Variants in TP53AIP1 observed in about 807,000 individuals in gnomAD.
TP53AIP1 encodes the protein tumor protein p53 regulated apoptosis inducing protein 1.
Under a neutral mutation model 9.5 loss-of-function variants are expected in TP53AIP1, and 14 were observed. The observed-to-expected ratio is 1.47, with a 90% CI of 0.97 to 2.30. TP53AIP1 has a LOEUF of 2.30. Ranked by LOEUF, TP53AIP1 falls within the 30% of genes most tolerant of loss-of-function variation. TP53AIP1 has a pLI of 0.00. For synonymous variants in TP53AIP1, 73 were observed against 61.2 expected (o/e 1.19, Z -0.90); for missense variants, 153 against 146.7 (o/e 1.04, Z -0.22).
Position 128,937,294 on chromosome 11 carries a change from C to T in TP53AIP1, c.141+384G>A. Reference sequence around the variant, plus strand: ...GAAGAGCAGGCCCGGAGCCCTGCACCCCAGCCTTCCCTCCCCATGCGCTCC... The same window carrying T: ...GAAGAGCAGGCCCGGAGCCCTGCACTCCAGCCTTCCCTCCCCATGCGCTCC... On this transcript the variant is annotated intron_variant, in intron 2 of 3. Coordinates refer to ENST00000531399, the MANE Select transcript of TP53AIP1 (RefSeq NM_022112.3). The surrounding 1 kb of genome is among the most constrained non-coding windows in gnomAD (Gnocchi z 4.8). 1 of 1,357,460 alleles carries T rather than the reference C, an allele frequency of 7.4e-7. No homozygotes were observed. The highest frequency in any genetic ancestry group is 2.7e-5 in the East Asian group (1 of 36,496). The allele number at this position is 1,357,460 out of a possible 1,614,324, so 84.1% of individuals were successfully genotyped here. A position where few individuals can be genotyped will look rare whatever the true frequency, so the allele number is the denominator to read the frequency against.
Position 128,939,017 on chromosome 11 carries a change from C to A in TP53AIP1, c.-76-1123G>T, listed in dbSNP as rs1329554677. Among the ~76,000 whole-genome samples, 1 of 152,154 alleles carries A rather than the reference C, an allele frequency of 6.6e-6. No homozygotes were observed. Among genetic ancestry groups the A allele is most frequent in the East Asian group, 1.9e-4 (1 of 5,204 alleles). The stretch of plus-strand genomic sequence containing the variant: ...ACATGCTGGCCATGTGCGGTGACCA[C>A]GCTAAGTACTGTGCGTGTACCATTT... On this transcript the variant is annotated intron_variant, in intron 1 of 3. Coordinates refer to ENST00000531399, the MANE Select transcript of TP53AIP1 (RefSeq NM_022112.3). This position sits in a 1 kb window ranked among gnomAD's most constrained non-coding sequence, Gnocchi z 4.1.
intron 1 of TP53AIP1, among the ~76,000 whole-genome samples, chr11:128,941,441 T>C (rs1035043499): frequency 2.6e-5 from 4 of 152,148 alleles, no homozygotes; most frequent in Non-Finnish European, 5.9e-5. Flanking sequence ...TAGTCTAAAT[T>C]AGTGGATCCC....
chr11:128,937,580 G>C lies in TP53AIP1; in HGVS notation c.141+98C>G. On this transcript the variant is annotated intron_variant, in intron 2 of 3. Coordinates refer to ENST00000531399, the MANE Select transcript of TP53AIP1 (RefSeq NM_022112.3). This position sits in a 1 kb window ranked among gnomAD's most constrained non-coding sequence, Gnocchi z 4.8. The stretch of plus-strand genomic sequence containing the variant: ...AGATGCTGTCACTGGGTCCTGGTGA[G>C]TCTGAAAACTTGGGATGTCGGCACC... The C allele has an allele frequency of 6.2e-7, 1 of 1,614,168 alleles. No individual in the cohort carries two copies. Among genetic ancestry groups the C allele is most frequent in the East Asian group, 2.2e-5 (1 of 44,880 alleles).
At chr11:128,936,733 G>A (rs1202685017) in intron 2 of TP53AIP1, 84 bp from the exon 3 acceptor site, 2 of 1,479,494 alleles carry the variant, frequency 1.4e-6, no homozygotes, top group African/African-American at 1.4e-5. Flanking sequence ...TTTTCCCCTA[G>A]GTATTCATGG....
rs1224754084 is a variant in TP53AIP1, at chr11:128,939,111, G to A, written c.-76-1217C>T. ...AACAAGCACTAACCAAACTCAGAAG[G>A]CATTTACCCAATGCTGCACGTTACG... On this transcript the variant is annotated intron_variant, in intron 1 of 3. Transcript: ENST00000531399. This position sits in a 1 kb window ranked among gnomAD's most constrained non-coding sequence, Gnocchi z 4.1. Among the ~76,000 whole-genome samples, 1 of 152,186 alleles carries A rather than the reference G, an allele frequency of 6.6e-6. No individual in the cohort carries two copies. Among genetic ancestry groups the A allele is most frequent in the Non-Finnish European group, 1.5e-5 (1 of 68,040 alleles).
At chr11:128,935,048 A>G (rs1245253629), downstream of TP53AIP1, 6 of 703,726 alleles carry the variant, frequency 8.5e-6, no homozygotes, top group South Asian at 8.9e-5. Context: ...TACTGCACTG[A>G]AAAACACAAA....
chr11:128,937,689 T>C lies in TP53AIP1; in HGVS notation c.130A>G (p.Thr44Ala). The C allele has an allele frequency of 6.2e-7, 1 of 1,614,006 alleles. No homozygotes were observed. The highest frequency in any genetic ancestry group is 2.2e-5 in the East Asian group (1 of 44,872). The stretch of plus-strand genomic sequence containing the variant: ...CTGCAGGGACTTACCCAGCCAGGTG[T>C]GTGTGTCTGAGCCCTGCCATTCGGA... ...MPPNGRAQTH[T>A]PGWVSDPLVL... The change falls in exon 2 of 4, where the codon ACA becomes GCA. Residue 44 changes from threonine to alanine, a missense_variant. Thr to Ala is a moderately conservative substitution (Grantham distance 58, BLOSUM62 0). Coordinates refer to ENST00000531399, the MANE Select transcript of TP53AIP1 (RefSeq NM_022112.3). The surrounding 1 kb of genome is among the most constrained non-coding windows in gnomAD (Gnocchi z 4.8).
At chr11:128,936,006 T>A in intron 3 of TP53AIP1, 1 of 874,170 alleles carries the variant, frequency 1.1e-6, no homozygotes, top group African/African-American at 1.8e-5. Flanking sequence ...GTTCTTAGCA[T>A]TTCATATCTA....
chr11:128,935,104 A>G, downstream of TP53AIP1: 2 of 709,742 alleles, frequency 2.8e-6, no homozygotes, highest in East Asian at 5.4e-5. Context: ...GGAACGTGTC[A>G]GCAGGAATGA....
rs574831506 is a variant in TP53AIP1 at position 128,939,663 on chromosome 11, T to A, written c.-76-1769A>T. On this transcript the variant is annotated intron_variant, in intron 1 of 3. Transcript: ENST00000531399. The surrounding 1 kb of genome is among the most constrained non-coding windows in gnomAD (Gnocchi z 4.1). ...TCCAACCCGAAACTGTCGGATTCTCTAAGAGGTCCGTCACAACCCATCTTA... is the reference window on the plus strand; with the variant it reads ...TCCAACCCGAAACTGTCGGATTCTCAAAGAGGTCCGTCACAACCCATCTTA... Among the ~76,000 whole-genome samples the A allele has an allele frequency of 6.6e-6, 1 of 152,320 alleles. No homozygotes were observed. The highest frequency in any genetic ancestry group is 1.9e-4 in the East Asian group (1 of 5,186).
intron 1 of TP53AIP1, among the ~76,000 whole-genome samples, chr11:128,942,379 C>G (rs1009175506): frequency 5.9e-5 from 9 of 152,198 alleles, no homozygotes; most frequent in African/African-American, 2.2e-4. Context: ...GGCCTGTGGA[C>G]CAGGACTGAC....
At chr11:128,935,098 C>A, downstream of TP53AIP1, 1 of 707,670 alleles carries the variant, frequency 1.4e-6, no homozygotes, top group South Asian at 1.5e-5. Flanking sequence ...GTGGTAGGAA[C>A]GTGTCAGCAG....
chr11:128,936,483 C>T (rs1944825946), intron 3 of TP53AIP1, 55 bp downstream of exon 3: 20 of 1,492,856 alleles, frequency 1.3e-5, no homozygotes, highest in Non-Finnish European at 1.8e-5. Context: ...GACATCAAAT[C>T]ACTTAATTCT....
rs979666822 is a variant in TP53AIP1 at position 128,937,458 on chromosome 11, C to T, written c.141+220G>A. ...CCCAGGATTCCGAGGAGGAGGAGGG[C>T]TGGCCTTCCTCTTGGGACTATTGAT... On this transcript the variant is annotated intron_variant, in intron 2 of 3. Transcript: ENST00000531399. This position sits in a 1 kb window ranked among gnomAD's most constrained non-coding sequence, Gnocchi z 4.8. The T allele has an allele frequency of 3.3e-6, 5 of 1,515,362 alleles. No individual in the cohort carries two copies. The African/African-American group carries it at 4.2e-5, about 13-fold the overall frequency. The allele number at this position is 1,515,362 out of a possible 1,614,324, so 93.9% of individuals were successfully genotyped here.
At position 128,937,507 on chromosome 11, in the gene TP53AIP1, G is replaced by C. The variant is rs761826927; in HGVS notation, c.141+171C>G. The C allele has an allele frequency of 5.6e-6, 9 of 1,601,324 alleles. No individual in the cohort carries two copies. The highest frequency in any genetic ancestry group is 7.7e-6 in the Non-Finnish European group (9 of 1,172,148). ...ATCAGGGCTGTCAGTTCCCAGCTCT[G>C]TCCAATGCTCTGAACTGGGGACAGT... On this transcript the variant is annotated intron_variant, in intron 2 of 3. Transcript: ENST00000531399. This position sits in a 1 kb window ranked among gnomAD's most constrained non-coding sequence, Gnocchi z 4.8.
rs1190796833 is a variant in TP53AIP1 at position 128,937,369 on chromosome 11, C to T, written c.141+309G>A. 2.8e-6 allele frequency: 4 copies of T among 1,423,790 alleles called. No homozygotes were observed. The African/African-American group carries it at 4.3e-5, about 15-fold the overall frequency. The allele number at this position is 1,423,790 out of a possible 1,614,324, so 88.2% of individuals were successfully genotyped here. A position where few individuals can be genotyped will look rare whatever the true frequency, so the allele number is the denominator to read the frequency against. On this transcript the variant is annotated intron_variant, in intron 2 of 3. Coordinates refer to ENST00000531399, the MANE Select transcript of TP53AIP1 (RefSeq NM_022112.3). This position sits in a 1 kb window ranked among gnomAD's most constrained non-coding sequence, Gnocchi z 4.8. ...CCATTTAGCTCTCACTTTCTGGATG[C>T]AGCCAGGCACCACCTTCCTTCCAAA...
At chr11:128,940,325 A>G (rs555461502) in intron 1 of TP53AIP1, among the ~76,000 whole-genome samples, 3 of 152,300 alleles carry the variant, frequency 2.0e-5, no homozygotes, top group African/African-American at 7.2e-5. Context: ...ACATGAGCAC[A>G]CTTGTCTCAG....
At chr11:128,936,292 T>G in intron 3 of TP53AIP1, 1 of 1,239,786 alleles carries the variant, frequency 8.1e-7, no homozygotes, top group Non-Finnish European at 1.0e-6. Context: ...GGGTGTCAAT[T>G]AGCTTGGCTG....
downstream of TP53AIP1, chr11:128,935,292 G>A (rs2136015637): frequency 2.8e-6 from 4 of 1,424,400 alleles, no homozygotes; most frequent in South Asian, 4.6e-5. Context: ...ACTTTTCCTT[G>A]CAGAGTTTTG....
Sources: allele counts gnomAD v4.1 joint callset (sites outside exome capture counted in the v4.1 genomes callset), GRCh38; gene constraint gnomAD v4.1.1; non-coding constraint Gnocchi (gnomAD v3.1); transcripts MANE v1.5; gene names NCBI Gene and HGNC (gene_info 2026-07-23, HGNC 2026-07-21).